Variants in IMPG2 observed in about 807,000 individuals in gnomAD.
IMPG2 encodes interphotoreceptor matrix proteoglycan 2.
A neutral mutation model predicts 129.2 loss-of-function variants in IMPG2; 91 were observed. The ratio of observed to expected loss-of-function variants is 0.70; its 90% CI spans 0.59 to 0.84. IMPG2 has a LOEUF of 0.84. Ranked by LOEUF, IMPG2 falls within the 40% of genes least tolerant of loss-of-function variation. The pLI is 0.00. For synonymous variants in IMPG2, 510 were observed against 517.7 expected, an observed-to-expected ratio of 0.99 and a Z score of 0.20; for missense variants, 1,430 against 1,461.7, an observed-to-expected ratio of 0.98 and a Z score of 0.35.
rs2058805857 is a variant in IMPG2 at position 101,320,467 on chromosome 3, C to T, written c.-95G>A. ...CAATAACAAAGAGTTATAGGAAAGA[C>T]CTAACATTTAAAAGTCTATGTTTGA... On this transcript the variant is annotated 5_prime_UTR_variant, in exon 1 of 19. Transcript: ENST00000193391. 1 of 763,478 alleles carries T rather than the reference C, an allele frequency of 1.3e-6. No homozygotes were observed. The highest frequency in any genetic ancestry group is 2.1e-5 in the Admixed American group (1 of 48,036). The allele number at this position is 763,478 out of a possible 1,614,324, so 47.3% of individuals were successfully genotyped here.
At chr3:101,309,413 A>C in intron 2 of IMPG2, among the ~76,000 whole-genome samples, 1 of 152,144 alleles carries the variant, frequency 6.6e-6, no homozygotes, top group East Asian at 1.9e-4. Context: ...GGAAACTTAC[A>C]ATCATGGTGG....
intron 3 of IMPG2, among the ~76,000 whole-genome samples, chr3:101,301,624 T>C (rs1353636757): frequency 1.3e-5 from 2 of 152,252 alleles, no homozygotes; most frequent in Non-Finnish European, 1.5e-5. Context: ...CCCTCGTTAT[T>C]GGTCTTAGTT....
intron 9 of IMPG2, among the ~76,000 whole-genome samples, chr3:101,260,848 A>G (rs1706661445): frequency 2.0e-5 from 3 of 152,184 alleles, no homozygotes; most frequent in Admixed American, 6.5e-5. Context: ...TGTCCCCAGC[A>G]TCTAGCACAA....
chr3:101,295,814 T>C (rs2107130284), intron 3 of IMPG2, among the ~76,000 whole-genome samples: 1 of 152,338 alleles, frequency 6.6e-6, no homozygotes, highest in South Asian at 2.1e-4. Context: ...TATTTTATTC[T>C]TTTTGTAGCA....
intron 11 of IMPG2, among the ~76,000 whole-genome samples, chr3:101,249,495 GA>G (rs1193041203): frequency 6.6e-6 from 1 of 151,886 alleles, no homozygotes; most frequent in Non-Finnish European, 1.5e-5. Context: ...TCTGGAAAGG[GA>G]AAAGAAAAGT....
At chr3:101,287,877 A>G (rs1037197777) in intron 4 of IMPG2, among the ~76,000 whole-genome samples, 1 of 152,146 alleles carries the variant, frequency 6.6e-6, no homozygotes, top group African/African-American at 2.4e-5. Flanking sequence ...CAACAAAAAC[A>G]AAAATTGACA....
chr3:101,319,800 C>A lies in IMPG2; in HGVS notation c.118G>T (p.Glu40Ter), dbSNP rs1553687058. The A allele has an allele frequency of 6.2e-6, 10 of 1,612,920 alleles. No homozygotes were observed. The highest frequency in any genetic ancestry group is 8.5e-6 in the Non-Finnish European group (10 of 1,179,606). ...AGAAAAGAAACTGCACTCTTGGGTT[C>A]TTGGATCTCCTCTATAGATAAGTAG... Reference protein sequence around the residue: ...QTYLSIEEIQEPKSAVSFLLP... With the variant: ...QTYLSIEEIQ Residue 40 changes from glutamate to a stop codon, truncating the protein, a stop_gained, in exon 2 of 19, where the codon GAA becomes TAA. Coordinates refer to ENST00000193391, the MANE Select transcript of IMPG2 (RefSeq NM_016247.4). LOFTEE classifies it high-confidence loss of function.
At chr3:101,283,073 A>AGT (rs1299865711) in intron 4 of IMPG2, among the ~76,000 whole-genome samples, 2 of 152,170 alleles carry the variant, frequency 1.3e-5, no homozygotes. Flanking sequence ...CCCAGGCTGG[A>AGT]GTGCAGTGGC....
chr3:101,227,725 AG>A, intron 18 of IMPG2: 1 of 448,242 alleles, frequency 2.2e-6, no homozygotes, highest in Non-Finnish European at 4.5e-6. Context: ...AGCACCTCCT[AG>A]GAGCCAAGTC....
chr3:101,320,149 T>C (rs899393968), intron 1 of IMPG2, 139 bp downstream of exon 1: 9 of 685,548 alleles, frequency 1.3e-5, no homozygotes, highest in Non-Finnish European at 2.3e-5. Flanking sequence ...TTTAAAACGG[T>C]TTAAATGAAG....
chr3:101,228,944 G>T (rs776049422), intron 17 of IMPG2, 68 bp from the exon 18 acceptor site: 44 of 1,138,196 alleles, frequency 3.9e-5, no homozygotes, highest in Non-Finnish European at 5.5e-5. Flanking sequence ...TTTAAAAGGG[G>T]TTCTAATTTT....
chr3:101,243,643 T>A lies in IMPG2; in HGVS notation c.2688A>T (p.Ser896=). The change falls in exon 13 of 19, where the codon TCA becomes TCT. Residue 896 remains serine (S), a synonymous_variant. Coordinates refer to ENST00000193391, the MANE Select transcript of IMPG2 (RefSeq NM_016247.4). Reference sequence around the variant, plus strand: ...GGCTGAAGAAAACCACCAAAGCTCCTGAAGTCTGGGTATAACTCAAGTCAT... The same window carrying A: ...GGCTGAAGAAAACCACCAAAGCTCCAGAAGTCTGGGTATAACTCAAGTCAT... ...GGDDLSYTQT[S]GALVVFFSLR... 6.2e-7 allele frequency: 1 copy of A among 1,614,002 alleles called. No homozygotes were observed. The highest frequency in any genetic ancestry group is 8.5e-7 in the Non-Finnish European group (1 of 1,179,984).
intron 16 of IMPG2, among the ~76,000 whole-genome samples, chr3:101,230,167 G>C (rs1367729547): frequency 6.6e-6 from 1 of 152,150 alleles, no homozygotes; most frequent in Non-Finnish European, 1.5e-5. Flanking sequence ...CAATGACGGA[G>C]GTATGTCCCA....
At chr3:101,275,053 A>G (rs1441140383) in intron 6 of IMPG2, among the ~76,000 whole-genome samples, 4 of 150,640 alleles carry the variant, frequency 2.7e-5, no homozygotes, top group African/African-American at 9.9e-5. Context: ...TGTCAGAGTT[A>G]GCTCTATATT....
intron 6 of IMPG2, among the ~76,000 whole-genome samples, chr3:101,274,951 C>A (rs780335383): frequency 6.6e-6 from 1 of 151,790 alleles, no homozygotes; most frequent in African/African-American, 2.4e-5. Flanking sequence ...CAGAGTGGAG[C>A]GACTTAACCT....
chr3:101,256,197 GAAAGAAAGAAAGAAAGAAAGA>G (rs1576753270), intron 10 of IMPG2, among the ~76,000 whole-genome samples: 2 of 148,498 alleles, frequency 1.3e-5, no homozygotes, highest in East Asian at 2.0e-4. Context: ...AAGAAAGAAA[GAAAGAAAGAAAGAAAGAAAGA>G]AAAAAATATC....
At chr3:101,304,098 A>G in intron 3 of IMPG2, 48 bp downstream of exon 3, 2 of 1,599,512 alleles carry the variant, frequency 1.3e-6, no homozygotes, top group Non-Finnish European at 1.7e-6. Flanking sequence ...AGCTGTGTAA[A>G]TGCTCCTACA....
intron 10 of IMPG2, among the ~76,000 whole-genome samples, 175 bp downstream of exon 10, chr3:101,257,354 G>A (rs375494643): frequency 3.9e-5 from 6 of 151,994 alleles, no homozygotes; most frequent in South Asian, 4.2e-4. Context: ...AGAAAGCCCC[G>A]GATTAATCTA....
At position 101,276,609 on chromosome 3, in the gene IMPG2, G is replaced by A. The variant is rs752174351; in HGVS notation, c.583+55C>T. 9 of 1,217,956 alleles carry A rather than the reference G, an allele frequency of 7.4e-6. No homozygotes were observed. The Admixed American group carries it at 8.5e-5, about 12-fold the overall frequency. The allele number at this position is 1,217,956 out of a possible 1,614,324, so 75.4% of individuals were successfully genotyped here. On this transcript the variant is annotated intron_variant, in intron 5 of 18. Coordinates refer to ENST00000193391, the MANE Select transcript of IMPG2 (RefSeq NM_016247.4). ...AAAAAATGTACTTGTTTGTGAGCCTGTCTTAAACCATAAATAATTTTAAAA... is the reference window on the plus strand; with the variant it reads ...AAAAAATGTACTTGTTTGTGAGCCTATCTTAAACCATAAATAATTTTAAAA...
Sources: allele counts gnomAD v4.1 joint callset (sites outside exome capture counted in the v4.1 genomes callset), GRCh38; gene constraint gnomAD v4.1.1; transcripts MANE v1.5; gene names NCBI Gene and HGNC (gene_info 2026-07-23, HGNC 2026-07-21).